The following PRKDC variants were observed in gnomAD, a reference collection of about 807,000 sequenced individuals.
PRKDC encodes the protein protein kinase, DNA-activated, catalytic subunit, also known as DNA-dependent protein kinase catalytic subunit.
PRKDC carries 82 observed loss-of-function variants against 486.9 expected under a neutral mutation model. The observed-to-expected ratio is 0.17, with a 90% CI of 0.14 to 0.20. The LOEUF (loss-of-function observed/expected upper bound fraction) is 0.20, where lower values mean the gene tolerates loss of function less well. Among genes scored for constraint, PRKDC ranks in the 10% least tolerant of loss-of-function variants. PRKDC has a pLI of 1.00. For missense variants in PRKDC, 4,504 were observed against 5,038.2 expected, an observed-to-expected ratio of 0.89 and a Z score of 3.21; for synonymous variants, 1,895 against 1,837.0, an observed-to-expected ratio of 1.03 and a Z score of -0.81.
intron 54 of PRKDC, among the ~76,000 whole-genome samples, chr8:47,842,207 T>C (rs78977064): frequency 0.025 from 3,741 of 152,126 alleles, 116 homozygotes; most frequent in East Asian, 0.085. Flanking sequence ...GTGCCAGTGA[T>C]TGGAAGGGGC....
At chr8:47,894,722 C>T (rs1020684599) in intron 30 of PRKDC, among the ~76,000 whole-genome samples, 1 of 152,178 alleles carries the variant, frequency 6.6e-6, no homozygotes, top group Non-Finnish European at 1.5e-5. Context: ...TTCCTGTACC[C>T]AGGACTGCTG....
rs147314874 is a variant in PRKDC, at chr8:47,934,063, G to A, written c.1525C>T (p.Arg509Cys). Residue 509 changes from arginine to cysteine, a missense_variant, in exon 15 of 86, where the codon CGT (arginine) becomes TGT (cysteine). By Grantham distance (180) the Arg-to-Cys change is radical (BLOSUM62 -3). Coordinates refer to ENST00000314191, the MANE Select transcript of PRKDC (RefSeq NM_006904.7). ...KGPESESEDH[R>C]ASGEVRTGKW... ...CCAGTTCTGACTTCCCCTGAAGCAC[G>A]GTGGTCTTCAGATTCAGACTCAGGG... 2.7e-4 allele frequency: 433 copies of A among 1,613,582 alleles called. 1 individual carries two copies. The highest frequency in any genetic ancestry group is 2.0e-3 in the Middle Eastern group (12 of 6,046).
rs1263283579 is a variant in PRKDC, at chr8:47,955,858, T to C, written c.399+16A>G. The C allele has an allele frequency of 1.3e-6, 2 of 1,548,146 alleles. No homozygotes were observed. The highest frequency in any genetic ancestry group is 1.8e-6 in the Non-Finnish European group (2 of 1,134,068). ...CATGTTTAATGTAAAATACGTGTACTTAGAAACATAATTACCTTAATAAGA... is the reference window on the plus strand; with the variant it reads ...CATGTTTAATGTAAAATACGTGTACCTAGAAACATAATTACCTTAATAAGA... On this transcript the variant is annotated intron_variant, in intron 4 of 85. Transcript: ENST00000314191.
chr8:47,885,999 T>C lies in PRKDC; in HGVS notation c.4721A>G (p.Asn1574Ser). The C allele has an allele frequency of 1.9e-6, 3 of 1,613,918 alleles. No individual in the cohort carries two copies. Among genetic ancestry groups the C allele is most frequent in the Non-Finnish European group, 2.5e-6 (3 of 1,179,902 alleles). ...SETINTELLKNLDLAVLELMQ... is the reference protein window; with the variant it reads ...SETINTELLKSLDLAVLELMQ... ...GAGCTCCAATACAGCAAGATCCAGA[T>C]TTTTCAATAATTCCGTGTTGATCGT... is the stretch of plus-strand genomic sequence containing the variant. Residue 1574 changes from asparagine to serine, a missense_variant, in exon 36 of 86, where the codon AAT (asparagine) becomes AGT (serine). Physicochemically the swap from Asn to Ser is conservative, Grantham distance 46 (BLOSUM62 1). Around this residue, in one of 6 missense-constraint regions of PRKDC, gnomAD observed 1,969 missense variants for 2,068.9 expected, o/e 0.95. Coordinates refer to ENST00000314191, the MANE Select transcript of PRKDC (RefSeq NM_006904.7).
rs780580651 is a variant in PRKDC, at chr8:47,929,115, A to G, written c.2116T>C (p.Leu706=). The G allele has an allele frequency of 6.4e-7, 1 of 1,572,476 alleles. No individual in the cohort carries two copies. The highest frequency in any genetic ancestry group is 1.2e-5 in the South Asian group (1 of 85,602). ...ACCTCTTTGCCAAATTTCACAAATAAAGCAAAGCAAGAATACTTTTCTGGG... is the reference window on the plus strand; with the variant it reads ...ACCTCTTTGCCAAATTTCACAAATAGAGCAAAGCAAGAATACTTTTCTGGG... ...EDPEKYSCFA[L]FVKFGKEVAV... is the part of the protein sequence containing the mutation. Residue 706 remains leucine (L), a synonymous_variant, in exon 19 of 86, where the codon TTA becomes CTA. Coordinates refer to ENST00000314191, the MANE Select transcript of PRKDC (RefSeq NM_006904.7).
At position 47,803,491 on chromosome 8, in the gene PRKDC, A is replaced by G; in HGVS notation, c.9748-11T>C. 2 of 1,613,400 alleles carry G rather than the reference A, an allele frequency of 1.2e-6. No homozygotes were observed. The highest frequency in any genetic ancestry group is 1.7e-6 in the Non-Finnish European group (2 of 1,179,348). On this transcript the variant is annotated splice_polypyrimidine_tract_variant and intron_variant, in intron 69 of 85. Coordinates refer to ENST00000314191, the MANE Select transcript of PRKDC (RefSeq NM_006904.7). ...AAGTGAGAAATTGTTCTGTATGAAT[A>G]CAATAAAAAGAGAGAAGGTGGTATG...
Position 47,878,087 on chromosome 8 carries a change from CTAGGTTTTTTTT to C in PRKDC, c.5236-248_5236-237del, listed in dbSNP as rs1456247578. On this transcript the variant is annotated intron_variant, in intron 39 of 85. Coordinates refer to ENST00000314191, the MANE Select transcript of PRKDC (RefSeq NM_006904.7). ...ACTATATACTGAGCCTAGATTCTTT[CTAGGTTTTTTTT>C]TAGGTTTTTTTTTTTTTTTTTTGGA... 9.0e-3 allele frequency among the ~76,000 whole-genome samples: 1,314 copies of C among 145,608 alleles called. 9 individuals carry two copies. Among genetic ancestry groups the C allele is most frequent in the Non-Finnish European group, 0.014 (956 of 66,302 alleles).
At chr8:47,814,684 T>G (rs975262807) in intron 68 of PRKDC, among the ~76,000 whole-genome samples, 2 of 152,150 alleles carry the variant, frequency 1.3e-5, no homozygotes, top group African/African-American at 2.4e-5. Flanking sequence ...GATATCTAAA[T>G]TAACAGAGAT....
Position 47,830,606 on chromosome 8 carries a change from T to C in PRKDC, c.8396A>G (p.Gln2799Arg). 1.9e-6 allele frequency: 3 copies of C among 1,613,328 alleles called. 1 individual carries two copies. Among genetic ancestry groups the C allele is most frequent in the South Asian group, 2.2e-5 (2 of 91,042 alleles). ...SLITPLQAVA[Q>R]RDPIIAKQLF... Reference sequence around the variant, plus strand: ...GAAAACGCAGCGGCAAAAACTGACCTGGGCCACGGCCTGTAACGGGGTGAT... The same window carrying C: ...GAAAACGCAGCGGCAAAAACTGACCCGGGCCACGGCCTGTAACGGGGTGAT... The change falls in exon 61 of 86, where the codon CAG becomes CGG. Residue 2799 changes from glutamine (Q) to arginine (R), a missense_variant and splice_region_variant. By Grantham distance (43) the Gln-to-Arg change is conservative. Transcript: ENST00000314191.
Position 47,826,708 on chromosome 8 carries a change from G to A in PRKDC, c.8731C>T (p.Arg2911Cys), listed in dbSNP as rs751298751. ...TCAGGAGGGAGGCGGGCCTTCCCACGGACTCGCTTGGCAGGCAGCTCAGCA... is the reference window on the plus strand; with the variant it reads ...TCAGGAGGGAGGCGGGCCTTCCCACAGACTCGCTTGGCAGGCAGCTCAGCA... The part of the protein sequence containing the change: ...LPAELPAKRV[R>C]GKARLPPDVL... Residue 2911 changes from arginine (R) to cysteine (C), a missense_variant, in exon 63 of 86, where the codon CGT becomes TGT. Arg to Cys is a radical substitution (Grantham distance 180). Around this residue, in one of 6 missense-constraint regions of PRKDC, gnomAD observed 1,592 missense variants for 1,724.6 expected, o/e 0.92. Transcript: ENST00000314191. 5.6e-6 allele frequency: 9 copies of A among 1,613,272 alleles called. No individual in the cohort carries two copies. The highest frequency in any genetic ancestry group is 3.3e-5 in the South Asian group (3 of 91,014).
intron 10 of PRKDC, among the ~76,000 whole-genome samples, chr8:47,940,340 T>G (rs2090423117): frequency 6.6e-6 from 1 of 152,188 alleles, no homozygotes; most frequent in African/African-American, 2.4e-5. Flanking sequence ...ATGCAAGAAC[T>G]AATACAGGTA....
intron 37 of PRKDC, 65 bp downstream of exon 37, chr8:47,881,847 T>TA: frequency 7.3e-7 from 1 of 1,375,566 alleles, no homozygotes; most frequent in Admixed American, 2.9e-5. Context: ...TCCATCAAAT[T>TA]TTAAAGACAC....
At chr8:47,778,949 C>A (rs2086653427) in intron 81 of PRKDC, 55 bp downstream of exon 81, 2 of 1,463,146 alleles carry the variant, frequency 1.4e-6, no homozygotes, top group Admixed American at 2.3e-5. Flanking sequence ...AGAAAACATG[C>A]AATTTGCAGA....
At chr8:47,947,513 T>C (rs1019418768) in intron 7 of PRKDC, among the ~76,000 whole-genome samples, 1 of 152,244 alleles carries the variant, frequency 6.6e-6, no homozygotes, top group Non-Finnish European at 1.5e-5. Flanking sequence ...AAGCCTGTAA[T>C]CTGAGCACCT....
intron 21 of PRKDC, among the ~76,000 whole-genome samples, chr8:47,921,131 TG>T (rs2090063298): frequency 2.0e-5 from 3 of 152,096 alleles, no homozygotes; most frequent in Admixed American, 2.0e-4. Flanking sequence ...GGCGGGCACC[TG>T]TATTCCCAGC....
chr8:47,839,700 A>G (rs1295070888), intron 55 of PRKDC, among the ~76,000 whole-genome samples: 1 of 152,218 alleles, frequency 6.6e-6, no homozygotes, highest in Non-Finnish European at 1.5e-5. Flanking sequence ...TTAATTATTA[A>G]TCATATGGTA....
At chr8:47,920,267 G>A (rs1263244231) in intron 21 of PRKDC, among the ~76,000 whole-genome samples, 2 of 152,128 alleles carry the variant, frequency 1.3e-5, no homozygotes, top group African/African-American at 4.8e-5. Context: ...GCGCTCCTGG[G>A]TTAGGGACTC....
chr8:47,935,177 T>C (rs1008393512), intron 13 of PRKDC, 119 bp from the exon 14 acceptor site: 1 of 726,808 alleles, frequency 1.4e-6, no homozygotes. Flanking sequence ...CAATTTATTT[T>C]CTAAGTTCAT....
At chr8:47,901,138 G>C (rs2089674138) in intron 27 of PRKDC, among the ~76,000 whole-genome samples, 1 of 139,242 alleles carries the variant, frequency 7.2e-6, no homozygotes, top group African/African-American at 2.6e-5. Flanking sequence ...AACAGAGCAA[G>C]ACCCTGTCTC....
Sources: allele counts gnomAD v4.1 joint callset (sites outside exome capture counted in the v4.1 genomes callset), GRCh38; gene constraint gnomAD v4.1.1; regional missense constraint gnomAD v4.1.1; transcripts MANE v1.5; gene names NCBI Gene and HGNC (gene_info 2026-07-23, HGNC 2026-07-21).